NUP155: variants seen among roughly 807,000 people sequenced by gnomAD.
The protein encoded by NUP155 is nucleoporin 155.
Under a neutral mutation model 180.4 loss-of-function variants are expected in NUP155, and 71 were observed. That is an observed-to-expected ratio of 0.39 (90% CI 0.33 to 0.48). The LOEUF (loss-of-function observed/expected upper bound fraction) is 0.48, where lower values mean the gene tolerates loss of function less well. Ranked by LOEUF, NUP155 falls within the 20% of genes least tolerant of loss-of-function variation. NUP155 has a pLI of 0.91. For missense variants in NUP155, 1,553 were observed against 1,648.9 expected (o/e 0.94, Z 1.01); for synonymous variants, 582 against 559.5 (o/e 1.04, Z -0.57).
Position 37,308,875 on chromosome 5 carries a change from CAAAAAAAAA to C in NUP155, c.2767+245_2767+253del, listed in dbSNP as rs59572976. 9.1e-4 allele frequency among the ~76,000 whole-genome samples: 63 copies of C among 68,854 alleles called. 3 individuals carry two copies. The highest frequency in any genetic ancestry group is 8.7e-3 in the South Asian group (20 of 2,288). The allele number at this position is 68,854 out of a possible 152,430, so 45.2% of individuals were successfully genotyped here. A position where few individuals can be genotyped will look rare whatever the true frequency, so the allele number is the denominator to read the frequency against. On this transcript the variant is annotated intron_variant, in intron 24 of 34. Transcript: ENST00000231498. ...AGCCTGGCTGACAGAGCGAGACTCT[CAAAAAAAAA>C]AAAAAAAAAAAAAAAAAGTACATTT...
chr5:37,337,546 C>CA (rs1320483756), intron 12 of NUP155, among the ~76,000 whole-genome samples: 4 of 151,872 alleles, frequency 2.6e-5, no homozygotes, highest in Non-Finnish European at 4.4e-5. Flanking sequence ...AAGACAACTT[C>CA]AAAAAAGATG....
chr5:37,361,706 G>A (rs1195251800), intron 3 of NUP155, among the ~76,000 whole-genome samples: 3 of 152,158 alleles, frequency 2.0e-5, no homozygotes, highest in African/African-American at 7.2e-5. Context: ...TTTAAACTAA[G>A]TATAAATTTT....
At chr5:37,305,332 G>A in intron 25 of NUP155, 122 bp from the exon 26 acceptor site, 1 of 821,600 alleles carries the variant, frequency 1.2e-6, no homozygotes. Flanking sequence ...ACGGCTTGAG[G>A]CTGGGAGTTC....
Position 37,305,390 on chromosome 5 carries a change from CA to C in NUP155, c.2904-181del, listed in dbSNP as rs11317040. Among the ~76,000 whole-genome samples the C allele has an allele frequency of 0.34, 51,051 of 151,870 alleles. 13,802 individuals carry two copies. Among genetic ancestry groups the C allele is most frequent in the African/African-American group, 0.75 (31,236 of 41,392 alleles). On this transcript the variant is annotated intron_variant, in intron 25 of 34. Transcript: ENST00000231498. ...CGGGACCACGTCTCTACAAAAAATA[CA>C]AAAAAATTGGCTGGGCACAGTGCCT...
intron 10 of NUP155, 58 bp from the exon 11 acceptor site, chr5:37,341,300 T>G: frequency 6.9e-7 from 1 of 1,456,364 alleles, no homozygotes; most frequent in Non-Finnish European, 9.6e-7. Flanking sequence ...GAGGTAAATG[T>G]GTTATTGAAG....
chr5:37,345,554 T>C (rs543583200), intron 9 of NUP155, among the ~76,000 whole-genome samples: 52 of 150,980 alleles, frequency 3.4e-4, no homozygotes, highest in Middle Eastern at 3.5e-3. Flanking sequence ...CAATGTACTT[T>C]CAAATGGCTC....
Position 37,304,862 on chromosome 5 carries a change from T to C in NUP155, c.3058-19A>G. The C allele has an allele frequency of 6.2e-7, 1 of 1,603,054 alleles. No individual in the cohort carries two copies. The highest frequency in any genetic ancestry group is 8.5e-7 in the Non-Finnish European group (1 of 1,170,018). ...GTTCAAACTAAAATAAAGAAAATAG[T>C]AAAAATTAGCAGTTAAAGGCTCTGT... On this transcript the variant is annotated intron_variant, in intron 26 of 34. Transcript: ENST00000231498.
At chr5:37,332,441 C>T (rs909834237) in intron 13 of NUP155, among the ~76,000 whole-genome samples, 5 of 151,246 alleles carry the variant, frequency 3.3e-5, no homozygotes, top group Non-Finnish European at 7.4e-5. Context: ...CCTGTCTCAG[C>T]CTCCCGAGTA....
chr5:37,364,187 T>C, intron 2 of NUP155, 60 bp downstream of exon 2: 1 of 1,363,826 alleles, frequency 7.3e-7, no homozygotes, highest in Non-Finnish European at 1.0e-6. Context: ...GAACAAGAAT[T>C]ATAAGAATGA....
intron 32 of NUP155, among the ~76,000 whole-genome samples, chr5:37,296,240 G>A (rs1422952827): frequency 1.3e-5 from 2 of 152,228 alleles, no homozygotes; most frequent in Non-Finnish European, 2.9e-5. Context: ...AGAAAGGGGG[G>A]AAAGGTGGGG....
chr5:37,322,370 ATTAT>A (rs1744300513), intron 20 of NUP155, among the ~76,000 whole-genome samples: 1 of 152,176 alleles, frequency 6.6e-6, no homozygotes, highest in African/African-American at 2.4e-5. Flanking sequence ...CCATGTGATT[ATTAT>A]TTTTCAACAA....
intron 5 of NUP155, 63 bp downstream of exon 5, chr5:37,352,674 C>G: frequency 9.7e-7 from 1 of 1,034,348 alleles, no homozygotes. Context: ...TAGCTTTTAA[C>G]TGTAATATCA....
rs762304771 is a variant in NUP155 at position 37,298,890 on chromosome 5, G to C, written c.3771C>G (p.Gly1257=). Residue 1257 remains glycine (G), a synonymous_variant, in exon 32 of 35, where the codon GGC becomes GGG. Transcript: ENST00000231498. ...KIVLLGKIYA[G]TPRFFPLDFI... ...TACCTAAAGGAAAGAAGCGTGGTGT[G>C]CCAGCATAAATTTTGCCAAGGAGAA... 6.2e-7 allele frequency: 1 copy of C among 1,606,538 alleles called. No individual in the cohort carries two copies.
Position 37,350,147 on chromosome 5 carries a change from G to A in NUP155, c.829+13C>T. ...ATTAGTTGTACTTGCCAAATTTATTGTTTTCTACTTACCATCTTCTGAGAA... is the reference window on the plus strand; with the variant it reads ...ATTAGTTGTACTTGCCAAATTTATTATTTTCTACTTACCATCTTCTGAGAA... On this transcript the variant is annotated intron_variant, in intron 7 of 34. Transcript: ENST00000231498. 1 of 1,587,588 alleles carries A rather than the reference G, an allele frequency of 6.3e-7. No individual in the cohort carries two copies. The highest frequency in any genetic ancestry group is 8.7e-7 in the Non-Finnish European group (1 of 1,155,974).
At chr5:37,350,621 T>A (rs568590564) in intron 6 of NUP155, among the ~76,000 whole-genome samples, 1 of 151,990 alleles carries the variant, frequency 6.6e-6, no homozygotes, top group South Asian at 2.1e-4. Context: ...CTAGCCAACA[T>A]GATGAAACTC....
chr5:37,348,434 T>C (rs1236756340), intron 9 of NUP155, 71 bp downstream of exon 9: 3 of 975,868 alleles, frequency 3.1e-6, no homozygotes, highest in Admixed American at 1.7e-5. Flanking sequence ...AATATATACT[T>C]TTAGAAGGCT....
chr5:37,312,696 G>A (rs1743601812), intron 22 of NUP155, among the ~76,000 whole-genome samples: 1 of 152,118 alleles, frequency 6.6e-6, no homozygotes, highest in Non-Finnish European at 1.5e-5. Flanking sequence ...AGGCGTAGTG[G>A]TGCGTGCCTA....
At chr5:37,334,984 C>A (rs1386046299) in intron 12 of NUP155, among the ~76,000 whole-genome samples, 1 of 151,938 alleles carries the variant, frequency 6.6e-6, no homozygotes, top group South Asian at 2.1e-4. Context: ...GTGGTGAAAC[C>A]CTGTCTCTAC....
At chr5:37,335,614 T>C (rs1745280616) in intron 12 of NUP155, among the ~76,000 whole-genome samples, 1 of 152,120 alleles carries the variant, frequency 6.6e-6, no homozygotes, top group Non-Finnish European at 1.5e-5. Context: ...ACATATCTCC[T>C]AAAAATAAGA....
Sources: gnomAD v4.1 joint callset for allele counts (sites outside exome capture counted in the v4.1 genomes callset) on GRCh38, gnomAD v4.1.1 for gene constraint, MANE v1.5 for transcripts, NCBI Gene and HGNC (gene_info 2026-07-23, HGNC 2026-07-21) for gene names.